TPM3: variants seen among roughly 807,000 people sequenced by gnomAD.
TPM3 encodes tropomyosin 3.
A neutral mutation model predicts 43.1 loss-of-function variants in TPM3; 16 were observed. The ratio of observed to expected loss-of-function variants is 0.37; its 90% confidence interval spans 0.25 to 0.56. The LOEUF is 0.56. Among genes scored for constraint, TPM3 ranks in the 20% least tolerant of loss-of-function variants. The probability of loss-of-function intolerance (pLI) is 0.77; values close to 1 mark genes in which losing one functional copy is unlikely to be tolerated. For synonymous variants in TPM3, 101 were observed against 116.9 expected (o/e 0.86, Z 0.88); for missense variants, 176 against 337.2 (o/e 0.52, Z 3.74).
chr1:154,187,995 T>C (rs941401542), intron 2 of TPM3, among the ~76,000 whole-genome samples: 2 of 151,520 alleles, frequency 1.3e-5, no homozygotes, highest in African/African-American at 4.9e-5. Flanking sequence ...CCTGTAGATT[T>C]GGTAGGGTTG....
chr1:154,160,854 C>T (rs1478146284), downstream of TPM3, among the ~76,000 whole-genome samples: 1 of 152,078 alleles, frequency 6.6e-6, no homozygotes, highest in Admixed American at 6.6e-5. Flanking sequence ...AGAAAATGCT[C>T]ATTGGAGGAT....
rs921033120 is a variant in TPM3 at position 154,163,105 on chromosome 1, G to A, written c.*4832C>T. The stretch of plus-strand genomic sequence containing the variant: ...ATTACAGGCATGAGCCACCATGCCC[G>A]GTCTACTTCCTTCCTTTCTAAGAAG... On this transcript the variant is annotated 3_prime_UTR_variant, in exon 10 of 10. Coordinates refer to ENST00000651641, the MANE Select transcript of TPM3 (RefSeq NM_152263.4). Among the ~76,000 whole-genome samples the A allele has an allele frequency of 6.6e-6, 1 of 152,096 alleles. No homozygotes were observed. The highest frequency in any genetic ancestry group is 2.4e-5 in the African/African-American group (1 of 41,418).
At position 154,172,986 on chromosome 1, in the gene TPM3, A is replaced by C; in HGVS notation, c.496-8T>G. 6.2e-7 allele frequency: 1 copy of C among 1,614,194 alleles called. No individual in the cohort carries two copies. The highest frequency in any genetic ancestry group is 8.5e-7 in the Non-Finnish European group (1 of 1,180,026). On this transcript the variant is annotated splice_polypyrimidine_tract_variant and splice_region_variant and intron_variant, in intron 4 of 9. Transcript: ENST00000651641. ...CACCAACTTACGAGCCACCTACAGGAAAAGATCCCAGTATAGCTTAGTGAA... is the reference window on the plus strand; with the variant it reads ...CACCAACTTACGAGCCACCTACAGGCAAAGATCCCAGTATAGCTTAGTGAA...
chr1:154,189,798 CA>C (rs1167349462), intron 2 of TPM3, among the ~76,000 whole-genome samples: 1,401 of 43,860 alleles, frequency 0.032, 13 homozygotes, highest in African/African-American at 0.072. Context: ...AACCCTGTCT[CA>C]AAAAAAAAAA....
chr1:154,184,931 C>G (rs528217386), intron 2 of TPM3, among the ~76,000 whole-genome samples: 1 of 151,524 alleles, frequency 6.6e-6, no homozygotes, highest in South Asian at 2.1e-4. Context: ...AAAAAACAGA[C>G]GACTGTTACT....
chr1:154,178,965 C>T (rs1202088543), intron 2 of TPM3, among the ~76,000 whole-genome samples: 1 of 152,172 alleles, frequency 6.6e-6, no homozygotes, highest in African/African-American at 2.4e-5. Flanking sequence ...AGAGATTTCC[C>T]AAATATGTCA....
chr1:154,167,796 A>T lies in TPM3; in HGVS notation c.*141T>A. The T allele has an allele frequency of 6.3e-7, 1 of 1,579,274 alleles. No homozygotes were observed. The highest frequency in any genetic ancestry group is 8.6e-7 in the Non-Finnish European group (1 of 1,161,936). The stretch of plus-strand genomic sequence containing the variant: ...TTGGGGTGGGGGTGGAAGAAAATAC[A>T]TAAGTTGCTTTTTGCTCCCCCATCC... On this transcript the variant is annotated 3_prime_UTR_variant, in exon 10 of 10. Coordinates refer to ENST00000651641, the MANE Select transcript of TPM3 (RefSeq NM_152263.4).
chr1:154,183,274 G>A (rs1663189631), intron 2 of TPM3: 4 of 1,514,684 alleles, frequency 2.6e-6, no homozygotes, highest in Non-Finnish European at 2.6e-6. Flanking sequence ...CCCTCCCACC[G>A]CCAGGCAGGC....
chr1:154,176,653 G>GAAA (rs57237877), intron 2 of TPM3, among the ~76,000 whole-genome samples: 146 of 128,876 alleles, frequency 1.1e-3, no homozygotes, highest in African/African-American at 3.7e-3. Context: ...CATAAAGCAG[G>GAAA]AAAAAAAAAA....
At chr1:154,179,650 C>T (rs921852743) in intron 2 of TPM3, among the ~76,000 whole-genome samples, 9 of 152,158 alleles carry the variant, frequency 5.9e-5, no homozygotes, top group Non-Finnish European at 1.3e-4. Flanking sequence ...ATGATCCAAT[C>T]CTGGTTCACT....
chr1:154,160,625 G>A (rs1269214377), downstream of TPM3, among the ~76,000 whole-genome samples: 3 of 152,158 alleles, frequency 2.0e-5, no homozygotes, highest in Admixed American at 1.3e-4. Context: ...TGTATGGGAG[G>A]TTTTGATATC....
downstream of TPM3, among the ~76,000 whole-genome samples, chr1:154,159,841 A>G (rs1660165765): frequency 1.3e-5 from 2 of 152,144 alleles, no homozygotes; most frequent in Non-Finnish European, 2.9e-5. Flanking sequence ...CATGGATGTG[A>G]TGACCAGAGT....
chr1:154,184,037 A>G (rs1173513255), intron 2 of TPM3, among the ~76,000 whole-genome samples: 1 of 150,336 alleles, frequency 6.7e-6, no homozygotes, highest in Non-Finnish European at 1.5e-5. Context: ...CTGTTATTTT[A>G]TTTATTTTTG....
downstream of TPM3, chr1:154,155,768 GGATT>G (rs1659737263): frequency 4.5e-6 from 1 of 224,630 alleles, no homozygotes; most frequent in Non-Finnish European, 8.9e-6. Context: ...TAGTTTATAA[GGATT>G]GATATGGTTG....
Position 154,165,391 on chromosome 1 carries a change from G to C in TPM3, c.*2546C>G, listed in dbSNP as rs1021293943. On this transcript the variant is annotated 3_prime_UTR_variant, in exon 10 of 10. Coordinates refer to ENST00000651641, the MANE Select transcript of TPM3 (RefSeq NM_152263.4). ...ACAGAGCGAGACTCCATCTCAAAAA[G>C]AGAAAAATAAATAAATAATGGAATG... Among the ~76,000 whole-genome samples the C allele has an allele frequency of 2.0e-5, 3 of 151,568 alleles. No individual in the cohort carries two copies. The highest frequency in any genetic ancestry group is 4.8e-5 in the African/African-American group (2 of 41,294).
At chr1:154,172,223 A>T in intron 5 of TPM3, 1 of 951,978 alleles carries the variant, frequency 1.1e-6, no homozygotes, top group East Asian at 2.4e-5. Flanking sequence ...AAAAATGGGA[A>T]GAGAACACCA....
chr1:154,180,933 AAG>A (rs1163925596), intron 2 of TPM3, among the ~76,000 whole-genome samples: 2 of 151,828 alleles, frequency 1.3e-5, no homozygotes, highest in African/African-American at 4.8e-5. Flanking sequence ...TAAAAAAAAA[AAG>A]AGGGGGGATG....
intron 2 of TPM3, among the ~76,000 whole-genome samples, chr1:154,190,810 T>A (rs1028277372): frequency 8.5e-5 from 13 of 152,290 alleles, no homozygotes; most frequent in African/African-American, 2.9e-4. Flanking sequence ...CATATCCACA[T>A]GCCAAGACTT....
At chr1:154,177,384 C>T (rs1022173903) in intron 2 of TPM3, among the ~76,000 whole-genome samples, 7 of 152,126 alleles carry the variant, frequency 4.6e-5, no homozygotes, top group African/African-American at 1.4e-4. Flanking sequence ...CCCTGGCCTC[C>T]ATCTCACAAT....
Sources: allele counts gnomAD v4.1 joint callset (sites outside exome capture counted in the v4.1 genomes callset), GRCh38; gene constraint gnomAD v4.1.1; transcripts MANE v1.5; gene names NCBI Gene and HGNC (gene_info 2026-07-23, HGNC 2026-07-21).